Variants in PSMD14 observed in about 807,000 individuals in gnomAD.
PSMD14 encodes the protein proteasome 26S subunit, non-ATPase 14.
In PSMD14, 7 loss-of-function variants were observed where a neutral mutation model predicts 41.2. The observed-to-expected ratio is 0.17, with a 90% confidence interval of 0.10 to 0.32. The LOEUF is 0.32. Ranked by LOEUF, PSMD14 falls within the 10% of genes least tolerant of loss-of-function variation. The pLI, the probability that PSMD14 is intolerant of heterozygous loss-of-function variation, is 1.00. For missense variants in PSMD14, 139 were observed against 375.6 expected (o/e 0.37, Z 5.21); for synonymous variants, 114 against 122.3 (o/e 0.93, Z 0.45).
intron 3 of PSMD14, among the ~76,000 whole-genome samples, chr2:161,361,167 A>G (rs1265869171): frequency 6.6e-6 from 1 of 152,142 alleles, no homozygotes; most frequent in Non-Finnish European, 1.5e-5. Context: ...TCTTTAATCC[A>G]TCTGGGTGGT....
intron 3 of PSMD14, among the ~76,000 whole-genome samples, chr2:161,326,447 A>G (rs556042363): frequency 1.3e-5 from 2 of 152,222 alleles, no homozygotes; most frequent in African/African-American, 2.4e-5. Context: ...ACTCTTGTAC[A>G]TTGATGGTAG....
chr2:161,321,218 A>G (rs1395192538), intron 3 of PSMD14, among the ~76,000 whole-genome samples: 1 of 152,172 alleles, frequency 6.6e-6, no homozygotes, highest in Non-Finnish European at 1.5e-5. Context: ...GGAGCAGGTC[A>G]CTTGCTGGTA....
At chr2:161,345,534 T>G (rs1274184641) in intron 3 of PSMD14, among the ~76,000 whole-genome samples, 1 of 152,204 alleles carries the variant, frequency 6.6e-6, no homozygotes, top group East Asian at 1.9e-4. Context: ...GTGCTGGGAT[T>G]ATAGGCATGT....
intron 3 of PSMD14, chr2:161,341,279 G>GGTGGCCAGCGCA (rs1682956300): frequency 9.8e-7 from 1 of 1,017,482 alleles, no homozygotes; most frequent in Admixed American, 6.0e-5. Context: ...GGGCCAGCGC[G>GGTGGCCAGCGCA]GTGGCCAGCG....
intron 7 of PSMD14, among the ~76,000 whole-genome samples, chr2:161,380,734 C>A (rs1159309053): frequency 6.6e-6 from 1 of 151,890 alleles, no homozygotes; most frequent in African/African-American, 2.4e-5. Flanking sequence ...AGTTTTAGTT[C>A]TTAGTGATTT....
intron 3 of PSMD14, among the ~76,000 whole-genome samples, chr2:161,367,204 A>T (rs1683370602): frequency 6.6e-6 from 1 of 152,244 alleles, no homozygotes; most frequent in Non-Finnish European, 1.5e-5. Flanking sequence ...TAATTGGTAC[A>T]TTATAGCCAT....
In PSMD14 at chr2:161,350,487, A is replaced by G. The variant is rs1480587153; in HGVS notation, c.49-16991A>G. ...TAACTGACTGTTGTAATGGTTTTGA[A>G]TAGTCTTAAACTGTTCCATTTTGGG... On this transcript the variant is annotated intron_variant, in intron 3 of 11. Coordinates refer to ENST00000409682, the MANE Select transcript of PSMD14 (RefSeq NM_005805.6). 2.6e-5 allele frequency among the ~76,000 whole-genome samples: 4 copies of G among 152,226 alleles called. No homozygotes were observed. In the South Asian group the frequency reaches 6.2e-4, roughly 24 times the overall value.
intron 10 of PSMD14, 73 bp downstream of exon 10, chr2:161,395,276 A>C (rs1683777764): frequency 7.7e-7 from 1 of 1,296,060 alleles, no homozygotes; most frequent in South Asian, 1.4e-5. Context: ...GCATTGTGTA[A>C]GTAATTAAAA....
At chr2:161,373,747 A>G (rs1683469615) in intron 7 of PSMD14, among the ~76,000 whole-genome samples, 1 of 151,902 alleles carries the variant, frequency 6.6e-6, no homozygotes, top group African/African-American at 2.4e-5. Context: ...CATTTTGTAT[A>G]TTTCCATTTT....
intron 3 of PSMD14, among the ~76,000 whole-genome samples, chr2:161,331,065 A>G (rs1682782575): frequency 6.6e-6 from 1 of 152,192 alleles, no homozygotes. Flanking sequence ...ATAGGAAACA[A>G]CATATTTCAC....
chr2:161,363,206 C>A (rs1366683425), intron 3 of PSMD14, among the ~76,000 whole-genome samples: 1 of 152,180 alleles, frequency 6.6e-6, no homozygotes, highest in Non-Finnish European at 1.5e-5. Flanking sequence ...TGAGGTGAAA[C>A]AGTTTCATCT....
chr2:161,316,002 T>C lies in PSMD14; in HGVS notation c.-137-435T>C, dbSNP rs186522516. Among the ~76,000 whole-genome samples, 1,092 of 152,102 alleles carry C rather than the reference T, an allele frequency of 7.2e-3. 11 individuals carry two copies. Among genetic ancestry groups the C allele is most frequent in the Non-Finnish European group, 0.012 (801 of 67,948 alleles). ...GATTACAGGTGCCTGCCACCACGCC[T>C]GGCTAATTTTTTTGTATTTTTAGTA... is the stretch of plus-strand genomic sequence containing the variant. On this transcript the variant is annotated intron_variant, in intron 1 of 11. Coordinates refer to ENST00000409682, the MANE Select transcript of PSMD14 (RefSeq NM_005805.6).
chr2:161,370,620 A>C (rs1458732583), intron 6 of PSMD14, among the ~76,000 whole-genome samples: 1 of 152,172 alleles, frequency 6.6e-6, no homozygotes, highest in Non-Finnish European at 1.5e-5. Flanking sequence ...CAAATCTCTC[A>C]ATAGTTGTCA....
chr2:161,347,851 G>A (rs1683066360), intron 3 of PSMD14, among the ~76,000 whole-genome samples: 2 of 152,148 alleles, frequency 1.3e-5, no homozygotes, highest in Non-Finnish European at 2.9e-5. Flanking sequence ...ACTCTTTGCA[G>A]TTTGGTTATT....
intron 3 of PSMD14, among the ~76,000 whole-genome samples, chr2:161,332,368 C>T (rs1410902827): frequency 6.6e-6 from 1 of 152,098 alleles, no homozygotes; most frequent in African/African-American, 2.4e-5. Context: ...CTTCTAATTG[C>T]CAAAATATGT....
intron 3 of PSMD14, among the ~76,000 whole-genome samples, chr2:161,329,390 T>G (rs1016698333): frequency 6.6e-6 from 1 of 152,142 alleles, no homozygotes; most frequent in African/African-American, 2.4e-5. Flanking sequence ...CATAGTAGTA[T>G]GCAAATGAGC....
chr2:161,335,034 C>T (rs532280996), intron 3 of PSMD14, among the ~76,000 whole-genome samples: 1 of 152,356 alleles, frequency 6.6e-6, no homozygotes, highest in South Asian at 2.1e-4. Flanking sequence ...GTCCCTTAAC[C>T]TCTACCATGC....
chr2:161,392,314 G>A (rs956049358), intron 9 of PSMD14, among the ~76,000 whole-genome samples: 3 of 152,108 alleles, frequency 2.0e-5, no homozygotes, highest in Non-Finnish European at 4.4e-5. Flanking sequence ...TAGTGAGACC[G>A]CTGTCAAGTC....
chr2:161,398,913 A>G (rs1317742231), intron 10 of PSMD14, among the ~76,000 whole-genome samples: 1 of 152,100 alleles, frequency 6.6e-6, no homozygotes, highest in African/African-American at 2.4e-5. Flanking sequence ...TTATTTGGAT[A>G]TGATAGAATG....
Sources: gnomAD v4.1 joint callset for allele counts (sites outside exome capture counted in the v4.1 genomes callset) on GRCh38, gnomAD v4.1.1 for gene constraint, MANE v1.5 for transcripts, NCBI Gene and HGNC (gene_info 2026-07-23, HGNC 2026-07-21) for gene names.